Variants in LINGO2 observed in about 807,000 individuals in gnomAD.
LINGO2 encodes the protein leucine-rich repeat and immunoglobulin-like domain-containing nogo receptor-interacting protein 2.
A neutral mutation model predicts 30.6 loss-of-function variants in LINGO2; 14 were observed. The ratio of observed to expected loss-of-function variants is 0.46; its 90% CI spans 0.30 to 0.72. LINGO2 has a LOEUF of 0.72. LINGO2 is among the 30% of genes least tolerant of loss of function. The pLI is 0.07. For missense variants in LINGO2, 729 were observed against 751.7 expected (o/e 0.97, Z 0.35); for synonymous variants, 317 against 288.5 (o/e 1.10, Z -1.00).
chr9:28,543,951 T>A (rs975209743), intron 1 of LINGO2, among the ~76,000 whole-genome samples: 1 of 152,048 alleles, frequency 6.6e-6, no homozygotes, highest in Non-Finnish European at 1.5e-5. Flanking sequence ...ACACCTGTAA[T>A]ACCAGCACTT....
chr9:28,875,202 A>T, the LINGO2 span, among the ~76,000 whole-genome samples: 10 of 152,054 alleles, frequency 6.6e-5, no homozygotes, highest in African/African-American at 1.4e-4. Context: ...AATATTTTTT[A>T]AAAAATAGTA....
intron 3 of LINGO2, among the ~76,000 whole-genome samples, chr9:28,306,440 G>A (rs1173094852): frequency 6.6e-6 from 1 of 152,074 alleles, no homozygotes; most frequent in East Asian, 1.9e-4. Context: ...TGTGTAGAGG[G>A]AAATTTATAG....
intron 1 of LINGO2, among the ~76,000 whole-genome samples, chr9:28,552,380 A>G (rs1384332378): frequency 2.6e-5 from 4 of 152,106 alleles, no homozygotes; most frequent in Non-Finnish European, 1.5e-5. Context: ...ACTTTGTTGC[A>G]TACTTAGCCA....
intron 4 of LINGO2, among the ~76,000 whole-genome samples, chr9:28,177,210 A>AT (rs1352200895): frequency 6.6e-6 from 1 of 152,152 alleles, no homozygotes; most frequent in Non-Finnish European, 1.5e-5. Context: ...ATAGATGGCT[A>AT]TTGTAAAGGA....
chr9:28,045,886 A>G (rs1824398161), intron 4 of LINGO2, among the ~76,000 whole-genome samples: 1 of 152,124 alleles, frequency 6.6e-6, no homozygotes, highest in Admixed American at 6.5e-5. Context: ...ATCTACTACA[A>G]CCCACCTCCT....
intron 2 of LINGO2, among the ~76,000 whole-genome samples, chr9:28,442,357 G>C (rs569358767): frequency 3.0e-4 from 45 of 151,158 alleles, no homozygotes; most frequent in African/African-American, 1.0e-3. Context: ...TTTATGCTAA[G>C]AGTACATCAT....
At chr9:28,488,305 C>T (rs886122505) in intron 1 of LINGO2, among the ~76,000 whole-genome samples, 1 of 152,058 alleles carries the variant, frequency 6.6e-6, no homozygotes, top group Non-Finnish European at 1.5e-5. Flanking sequence ...AATGATATCC[C>T]ACATAAACAG....
chr9:28,388,179 G>C (rs1821673647), intron 2 of LINGO2, among the ~76,000 whole-genome samples: 1 of 152,128 alleles, frequency 6.6e-6, no homozygotes, highest in South Asian at 2.1e-4. Flanking sequence ...TGTGTAACTA[G>C]ACTTGCTTTT....
At position 28,330,109 on chromosome 9, in the gene LINGO2, G is replaced by A. The variant is rs562079772; in HGVS notation, c.-245-34743C>T. Among the ~76,000 whole-genome samples the A allele has an allele frequency of 3.3e-5, 5 of 152,148 alleles. No homozygotes were observed. In the South Asian group the frequency reaches 8.3e-4, roughly 25 times the overall value. On this transcript the variant is annotated intron_variant, in intron 3 of 5. Transcript: ENST00000379992. ...ATGGAATTAGTAACTTTATAAGAAC[G>A]AACAGGAGAGAATGCTCTCTCTCTC... is the stretch of plus-strand genomic sequence containing the variant.
intron 1 of LINGO2, among the ~76,000 whole-genome samples, chr9:28,601,966 A>G (rs556131921): frequency 3.3e-5 from 5 of 152,254 alleles, no homozygotes; most frequent in Admixed American, 6.5e-5. Context: ...AAGAACTTCA[A>G]AGGTATAACA....
At chr9:28,337,619 T>C (rs1031878302) in intron 3 of LINGO2, among the ~76,000 whole-genome samples, 4 of 152,144 alleles carry the variant, frequency 2.6e-5, no homozygotes, top group Non-Finnish European at 4.4e-5. Context: ...TAGATACCCA[T>C]TGCTCTGTGC....
At chr9:28,631,590 T>C (rs563897281) in intron 1 of LINGO2, among the ~76,000 whole-genome samples, 1 of 152,134 alleles carries the variant, frequency 6.6e-6, no homozygotes, top group South Asian at 2.1e-4. Context: ...TCTTGGGAAA[T>C]AAGGGTCGTA....
chr9:28,174,898 C>CTCTGTGTG (rs139070322), intron 4 of LINGO2, among the ~76,000 whole-genome samples: 9 of 141,112 alleles, frequency 6.4e-5, no homozygotes, highest in Admixed American at 2.1e-4. Context: ...ATTTGTGTCT[C>CTCTGTGTG]TGTGTGTGTG....
intron 4 of LINGO2, among the ~76,000 whole-genome samples, chr9:28,187,867 G>A (rs919140853): frequency 6.6e-6 from 1 of 152,112 alleles, no homozygotes; most frequent in African/African-American, 2.4e-5. Context: ...TGTATACTAT[G>A]AGTTGAATAT....
intron 4 of LINGO2, among the ~76,000 whole-genome samples, chr9:28,157,066 C>T (rs1047808625): frequency 6.6e-6 from 1 of 152,202 alleles, no homozygotes; most frequent in Non-Finnish European, 1.5e-5. Context: ...CCTTATAGCT[C>T]CACTAGGTGG....
chr9:28,169,622 A>G lies in LINGO2; in HGVS notation c.-87+125586T>C, dbSNP rs150278100. The stretch of plus-strand genomic sequence containing the variant: ...GTAGTGAATAAAATGGACAAAATCA[A>G]TATCTTCATGGAGATTAACATTTAT... On this transcript the variant is annotated intron_variant, in intron 4 of 5. Transcript: ENST00000379992. 1.2e-3 allele frequency among the ~76,000 whole-genome samples: 182 copies of G among 152,340 alleles called. 1 individual carries two copies. The South Asian group carries it at 0.019, about 16-fold the overall frequency.
At chr9:28,128,160 A>G (rs964310482) in intron 4 of LINGO2, among the ~76,000 whole-genome samples, 7 of 152,180 alleles carry the variant, frequency 4.6e-5, no homozygotes, top group Non-Finnish European at 8.8e-5. Context: ...GTCTAGCTCA[A>G]TCCCTTTATT....
At chr9:28,259,836 G>C (rs1434229036) in intron 4 of LINGO2, among the ~76,000 whole-genome samples, 1 of 151,864 alleles carries the variant, frequency 6.6e-6, no homozygotes, top group Non-Finnish European at 1.5e-5. Flanking sequence ...TTCTGTACCA[G>C]CCACCAGCCC....
chr9:28,056,192 A>G (rs1824935669), intron 4 of LINGO2, among the ~76,000 whole-genome samples: 1 of 152,098 alleles, frequency 6.6e-6, no homozygotes, highest in South Asian at 2.1e-4. Context: ...CTTAATTGAT[A>G]ACAGGTTTAT....
Sources: allele counts gnomAD v4.1 joint callset (sites outside exome capture counted in the v4.1 genomes callset), GRCh38; gene constraint gnomAD v4.1.1; transcripts MANE v1.5; gene names NCBI Gene and HGNC (gene_info 2026-07-23, HGNC 2026-07-21).